The following ACAP2 variants were observed in gnomAD, a reference collection of about 807,000 sequenced individuals.
ACAP2 encodes the protein ArfGAP with coiled-coil, ankyrin repeat and PH domains 2.
In ACAP2, 39 loss-of-function variants were observed where a neutral mutation model predicts 115.8. The observed-to-expected ratio is 0.34, with a 90% CI of 0.26 to 0.44. The LOEUF (loss-of-function observed/expected upper bound fraction) is 0.44. Among genes scored for constraint, ACAP2 ranks in the 20% least tolerant of loss-of-function variants. The pLI is 1.00. For missense variants in ACAP2, 662 were observed against 927.6 expected (o/e 0.71, Z 3.72); for synonymous variants, 289 against 315.8 (o/e 0.92, Z 0.90).
chr3:195,397,323 C>T (rs1711877233), intron 1 of ACAP2, among the ~76,000 whole-genome samples: 1 of 152,080 alleles, frequency 6.6e-6, no homozygotes, highest in African/African-American at 2.4e-5. Context: ...GAAAGGACAA[C>T]AGCTGCATCA....
intron 4 of ACAP2, among the ~76,000 whole-genome samples, chr3:195,346,431 T>C (rs564152303): frequency 1.3e-4 from 20 of 152,280 alleles, no homozygotes; most frequent in East Asian, 1.9e-4. Context: ...ATCTTTATCA[T>C]TGATTGTATA....
intron 4 of ACAP2, among the ~76,000 whole-genome samples, chr3:195,364,360 C>T (rs568467882): frequency 1.3e-5 from 2 of 152,266 alleles, no homozygotes; most frequent in East Asian, 3.9e-4. Context: ...CAATGATCAT[C>T]AGCGAACGCA....
At chr3:195,354,276 T>C (rs1240164956) in intron 4 of ACAP2, among the ~76,000 whole-genome samples, 5 of 152,244 alleles carry the variant, frequency 3.3e-5, no homozygotes, top group African/African-American at 1.2e-4. Flanking sequence ...TCCACGTCTT[T>C]GCTGTTGTGA....
At chr3:195,351,460 G>A (rs1007956522) in intron 4 of ACAP2, among the ~76,000 whole-genome samples, 3 of 147,472 alleles carry the variant, frequency 2.0e-5, no homozygotes, top group Admixed American at 1.3e-4. Flanking sequence ...GTGTGTGTGT[G>A]TGTGTGTGTG....
intron 4 of ACAP2, among the ~76,000 whole-genome samples, chr3:195,354,303 C>T (rs1056386074): frequency 6.6e-6 from 1 of 152,196 alleles, no homozygotes; most frequent in Non-Finnish European, 1.5e-5. Flanking sequence ...CTGCAATGAA[C>T]ATACACATAC....
At chr3:195,383,444 T>C (rs1424687732) in intron 2 of ACAP2, among the ~76,000 whole-genome samples, 2 of 152,032 alleles carry the variant, frequency 1.3e-5, no homozygotes, top group African/African-American at 4.8e-5. Context: ...TAAATGATAT[T>C]AGGGACACTG....
intron 9 of ACAP2, chr3:195,326,215 C>G (rs1729784225): frequency 6.6e-6 from 1 of 152,234 alleles, no homozygotes; most frequent in African/African-American, 2.4e-5. Flanking sequence ...TATTCAACTT[C>G]AGCACTCTCC....
intron 2 of ACAP2, among the ~76,000 whole-genome samples, chr3:195,385,003 T>C (rs1028542656): frequency 1.3e-5 from 2 of 152,134 alleles, no homozygotes; most frequent in Non-Finnish European, 2.9e-5. Context: ...TACTTAAACA[T>C]CTAAGTGAGA....
chr3:195,314,425 G>A (rs1462511871), intron 10 of ACAP2, among the ~76,000 whole-genome samples: 1 of 152,034 alleles, frequency 6.6e-6, no homozygotes, highest in African/African-American at 2.4e-5. Context: ...GTGCCACCAT[G>A]ACCAGCTAAT....
intron 8 of ACAP2, among the ~76,000 whole-genome samples, chr3:195,330,237 C>T (rs1290175989): frequency 6.6e-6 from 1 of 152,134 alleles, no homozygotes; most frequent in Admixed American, 6.5e-5. Flanking sequence ...TCAAATCTAA[C>T]CATTTCTATC....
chr3:195,398,361 C>T (rs1711979383), intron 1 of ACAP2, among the ~76,000 whole-genome samples: 1 of 152,122 alleles, frequency 6.6e-6, no homozygotes, highest in African/African-American at 2.4e-5. Context: ...AATATCTCCA[C>T]TGGCCAGGCA....
chr3:195,333,189 T>C (rs1303384233), intron 7 of ACAP2, 66 bp from the exon 8 acceptor site: 2 of 688,228 alleles, frequency 2.9e-6, no homozygotes, highest in Admixed American at 6.6e-5. Flanking sequence ...AAATATTACA[T>C]ATATATATAA....
At chr3:195,346,642 T>C (rs1251633242) in intron 4 of ACAP2, among the ~76,000 whole-genome samples, 2 of 152,146 alleles carry the variant, frequency 1.3e-5, no homozygotes, top group African/African-American at 4.8e-5. Flanking sequence ...TACATGAACA[T>C]GAAATATAAC....
intron 1 of ACAP2, among the ~76,000 whole-genome samples, chr3:195,393,892 G>T (rs898258917): frequency 2.1e-5 from 3 of 142,008 alleles, no homozygotes; most frequent in East Asian, 2.1e-4. Flanking sequence ...ATTGGGGGGG[G>T]GGGAAGCAAG....
rs1197025885 is a variant in ACAP2, at chr3:195,336,940, G to C, written c.565C>G (p.Leu189Val). ...VLQSKRRSEI[L>V]KSMLSFMYAH... ...TTCAATTAATGTCTTACTGATTTTA[G>C]GATTTCTGATCTCCTTTTTGATTGA... Residue 189 changes from leucine (L) to valine (V), a missense_variant, in exon 7 of 23, where the codon CTA becomes GTA. By Grantham distance (32) the Leu-to-Val change is conservative (BLOSUM62 1). Transcript: ENST00000326793. 1 of 1,606,986 alleles carries C rather than the reference G, an allele frequency of 6.2e-7. No individual in the cohort carries two copies. Among genetic ancestry groups the C allele is most frequent in the Non-Finnish European group, 8.5e-7 (1 of 1,175,388 alleles).
At chr3:195,356,010 C>T (rs978112750) in intron 4 of ACAP2, 2 of 434,056 alleles carry the variant, frequency 4.6e-6, no homozygotes, top group African/African-American at 2.0e-5. Flanking sequence ...AATCTGACAA[C>T]CACCTACACA....
intron 1 of ACAP2, among the ~76,000 whole-genome samples, chr3:195,438,834 C>T (rs1003011358): frequency 1.4e-4 from 21 of 151,982 alleles, no homozygotes; most frequent in African/African-American, 4.8e-4. Flanking sequence ...CTGAGGCGGG[C>T]GGATCACCTG....
chr3:195,346,354 T>C (rs1731187569), intron 4 of ACAP2, among the ~76,000 whole-genome samples: 1 of 152,150 alleles, frequency 6.6e-6, no homozygotes, highest in Non-Finnish European at 1.5e-5. Context: ...ATTATAAAAT[T>C]GATAAACCTC....
At chr3:195,286,674 C>A (rs1301403579) in intron 21 of ACAP2, among the ~76,000 whole-genome samples, 1 of 152,218 alleles carries the variant, frequency 6.6e-6, no homozygotes, top group Non-Finnish European at 1.5e-5. Flanking sequence ...TCTCTCTCAA[C>A]CACTGTGTGT....
Sources: allele counts gnomAD v4.1 joint callset (sites outside exome capture counted in the v4.1 genomes callset), GRCh38; gene constraint gnomAD v4.1.1; transcripts MANE v1.5; gene names NCBI Gene and HGNC (gene_info 2026-07-23, HGNC 2026-07-21).